Variants in TVP23A observed in about 807,000 individuals in gnomAD.
The protein encoded by TVP23A is trans-golgi network vesicle protein 23 homolog A.
A neutral mutation model predicts 31.7 loss-of-function variants in TVP23A; 21 were observed. That is an observed-to-expected ratio of 0.66 (90% CI 0.47 to 0.95). The LOEUF (loss-of-function observed/expected upper bound fraction) is 0.95. Among genes scored for constraint, TVP23A ranks in the 40% least tolerant of loss-of-function variants. TVP23A has a pLI of 0.00. For synonymous variants in TVP23A, 104 were observed against 96.0 expected (o/e 1.08, Z -0.49); for missense variants, 279 against 255.6 (o/e 1.09, Z -0.62).
In TVP23A at chr16:10,771,722, C is replaced by T. The variant is rs745822000; in HGVS notation, c.530G>A (p.Ser177Asn). 1 of 1,612,836 alleles carries T rather than the reference C, an allele frequency of 6.2e-7. No homozygotes were observed. The highest frequency in any genetic ancestry group is 1.7e-5 in the Admixed American group (1 of 59,844). ...GYILCKMGGN[S>N]DIGKVTASFL... is the part of the protein sequence containing the mutation. The stretch of plus-strand genomic sequence containing the variant: ...ACTGGCTGTGACCTTGCCAATGTCA[C>T]TGTTGCCTCCCATCTTACAAAGGAT... The change falls in exon 6 of 8, where the codon AGT becomes AAT. Residue 177 changes from serine (S) to asparagine (N), a missense_variant. Transcript: ENST00000299866.
At chr16:10,793,632 A>C (rs868751596) in intron 2 of TVP23A, among the ~76,000 whole-genome samples, 1 of 151,994 alleles carries the variant, frequency 6.6e-6, no homozygotes, top group Admixed American at 6.6e-5. Flanking sequence ...ACGGTGGCTC[A>C]CGTCTGTAAT....
downstream of TVP23A, among the ~76,000 whole-genome samples, chr16:10,762,624 T>C (rs532595327): frequency 1.3e-5 from 2 of 152,278 alleles, no homozygotes; most frequent in South Asian, 4.1e-4. Flanking sequence ...CCTTTAGGTC[T>C]GAGGGGAGAA....
In TVP23A at chr16:10,766,774, A is replaced by G. The variant is rs1383941430; in HGVS notation, c.*2328T>C. On this transcript the variant is annotated 3_prime_UTR_variant, in exon 8 of 8. Coordinates refer to ENST00000299866, the MANE Select transcript of TVP23A (RefSeq NM_001079512.4). This position sits in a 1 kb window ranked among gnomAD's most constrained non-coding sequence, Gnocchi z 4.8. ...TAGGGGCTCAAAGGCCCCATTACAG[A>G]GTTTTTGTGTTTAAATACCCTCTAC... 5.0e-6 allele frequency: 2 copies of G among 396,832 alleles called. No homozygotes were observed. The highest frequency in any genetic ancestry group is 1.4e-4 in the South Asian group (1 of 7,004). The allele number at this position is 396,832 out of a possible 1,614,324, so 24.6% of individuals were successfully genotyped here. A position where few individuals can be genotyped will look rare whatever the true frequency, so the allele number is the denominator to read the frequency against.
chr16:10,774,101 G>C lies in TVP23A; in HGVS notation c.262C>G (p.Leu88Val), dbSNP rs1187018843. Reference protein sequence around the residue: ...KNVTGRLLVGLRWWNQIDEDG... With the variant: ...KNVTGRLLVGVRWWNQIDEDG... ...TCATCTATCTGGTTCCACCATCGAA[G>C]GCCCACCAGGAGTCTTCCGGTTACA... is the stretch of plus-strand genomic sequence containing the variant. Residue 88 changes from leucine (L) to valine (V), a missense_variant, in exon 4 of 8, where the codon CTT (leucine) becomes GTT (valine). By Grantham distance (32) the Leu-to-Val change is conservative (BLOSUM62 1). Coordinates refer to ENST00000299866, the MANE Select transcript of TVP23A (RefSeq NM_001079512.4). The C allele has an allele frequency of 1.2e-6, 2 of 1,611,158 alleles. No individual in the cohort carries two copies. Among genetic ancestry groups the C allele is most frequent in the East Asian group, 2.2e-5 (1 of 44,866 alleles).
Position 10,774,112 on chromosome 16 carries a change from A to G in TVP23A, c.251T>C (p.Leu84Pro). The G allele has an allele frequency of 6.2e-7, 1 of 1,610,282 alleles. No homozygotes were observed. The highest frequency in any genetic ancestry group is 8.5e-7 in the Non-Finnish European group (1 of 1,178,322). The change falls in exon 4 of 8, where the codon CTC (leucine) becomes CCC (proline). Residue 84 changes from leucine (L) to proline (P), a missense_variant. Physicochemically the swap from Leu to Pro is moderately conservative, Grantham distance 98 (BLOSUM62 -3). Coordinates refer to ENST00000299866, the MANE Select transcript of TVP23A (RefSeq NM_001079512.4). ...FWSVKNVTGR[L>P]LVGLRWWNQI... ...GTTCCACCATCGAAGGCCCACCAGGAGTCTTCCGGTTACATTCTGAGAACA... is the reference window on the plus strand; with the variant it reads ...GTTCCACCATCGAAGGCCCACCAGGGGTCTTCCGGTTACATTCTGAGAACA...
intron 2 of TVP23A, among the ~76,000 whole-genome samples, chr16:10,793,594 A>G (rs2033221301): frequency 6.6e-6 from 1 of 152,112 alleles, no homozygotes; most frequent in Non-Finnish European, 1.5e-5. Flanking sequence ...GTAATTTACA[A>G]ACAACAGAAA....
At chr16:10,761,978 G>A (rs980140307), downstream of TVP23A, 39 of 743,424 alleles carry the variant, frequency 5.2e-5, no homozygotes, top group East Asian at 1.1e-4. Flanking sequence ...TCAATGGGGC[G>A]CTGGAGCCAG....
chr16:10,758,112 C>A, downstream of TVP23A: 2 of 1,454,652 alleles, frequency 1.4e-6, no homozygotes, highest in South Asian at 1.2e-5. Context: ...ATACTCTGGT[C>A]TCACCAAGGC....
intron 2 of TVP23A, among the ~76,000 whole-genome samples, chr16:10,798,653 T>C (rs7191925): frequency 2.0e-5 from 3 of 147,622 alleles, no homozygotes; most frequent in Non-Finnish European, 4.4e-5. Context: ...TGGCAGCTTA[T>C]GTTTTGTTTT....
chr16:10,800,497 C>T (rs925818322), intron 2 of TVP23A, among the ~76,000 whole-genome samples: 2 of 152,074 alleles, frequency 1.3e-5, no homozygotes, highest in African/African-American at 4.8e-5. Flanking sequence ...AACCAATGTA[C>T]CCTAAAATGT....
intron 2 of TVP23A, among the ~76,000 whole-genome samples, chr16:10,798,141 T>C (rs946682160): frequency 5.9e-5 from 9 of 151,548 alleles, no homozygotes; most frequent in Admixed American, 1.3e-4. Context: ...ATTTTTTTTT[T>C]AGTAGAGACG....
downstream of TVP23A, chr16:10,762,101 G>C: frequency 2.4e-6 from 1 of 409,946 alleles, no homozygotes; most frequent in Non-Finnish European, 4.5e-6. Flanking sequence ...CTGGAAGAAT[G>C]GGGTAGAGGT....
intron 2 of TVP23A, among the ~76,000 whole-genome samples, chr16:10,816,373 G>A (rs1179442213): frequency 2.0e-5 from 3 of 150,422 alleles, no homozygotes; most frequent in South Asian, 2.1e-4. Flanking sequence ...TCACTCTGTC[G>A]CCCAGACTGG....
chr16:10,786,728 TTGGG>T (rs2032776511), intron 2 of TVP23A, among the ~76,000 whole-genome samples: 1 of 1,026 alleles, frequency 9.7e-4, no homozygotes, highest in South Asian at 0.033. Flanking sequence ...GGGATGGGCA[TTGGG>T]AACCTGGTGA....
At chr16:10,799,520 G>C (rs2033588052) in intron 2 of TVP23A, among the ~76,000 whole-genome samples, 3 of 152,208 alleles carry the variant, frequency 2.0e-5, no homozygotes, top group African/African-American at 7.2e-5. Context: ...TTTTAGTGGA[G>C]ACAGGGTTTG....
chr16:10,788,961 G>A (rs2032936075), intron 2 of TVP23A, among the ~76,000 whole-genome samples: 2 of 152,132 alleles, frequency 1.3e-5, no homozygotes, highest in Admixed American at 1.3e-4. Context: ...CTCCTCAGCG[G>A]CCTCTTGTGG....
At chr16:10,763,964 G>C (rs989150377), downstream of TVP23A, 2 of 192,904 alleles carry the variant, frequency 1.0e-5, no homozygotes, top group South Asian at 6.6e-5. Flanking sequence ...CAGCCCACAG[G>C]AGTATCTCAG....
chr16:10,810,546 C>CAAAAA (rs796925406), intron 2 of TVP23A, among the ~76,000 whole-genome samples: 6 of 93,330 alleles, frequency 6.4e-5, no homozygotes, highest in Admixed American at 2.5e-4. Context: ...GACCCTGTCT[C>CAAAAA]AAAAAAAAAA....
chr16:10,818,617 C>A lies in TVP23A; in HGVS notation c.-124G>T. The A allele has an allele frequency of 7.9e-7, 1 of 1,265,980 alleles. No individual in the cohort carries two copies. The highest frequency in any genetic ancestry group is 1.1e-6 in the Non-Finnish European group (1 of 947,742). 78.4% of individuals were successfully genotyped at this position (1,265,980 alleles called of 1,614,324 possible). ...AGACGGTGGACGCTGAGGGTCGGGG[C>A]CTGCGCCCTGTGGGGCAGCCTCAGC... On this transcript the variant is annotated 5_prime_UTR_variant, in exon 1 of 8. Transcript: ENST00000299866. This position sits in a 1 kb window ranked among gnomAD's most constrained non-coding sequence, Gnocchi z 4.7.
Sources: gnomAD v4.1 joint callset for allele counts (sites outside exome capture counted in the v4.1 genomes callset) on GRCh38, gnomAD v4.1.1 for gene constraint, Gnocchi (gnomAD v3.1) non-coding constraint, MANE v1.5 for transcripts, NCBI Gene and HGNC (gene_info 2026-07-23, HGNC 2026-07-21) for gene names.